Variants in GRIK1 observed in about 807,000 individuals in gnomAD.
GRIK1 encodes glutamate receptor ionotropic, kainate 1.
A neutral mutation model predicts 105.7 loss-of-function variants in GRIK1; 69 were observed. That is an observed-to-expected ratio of 0.65 (90% CI 0.54 to 0.80). The LOEUF (loss-of-function observed/expected upper bound fraction) is 0.80. GRIK1 is among the 30% of genes least tolerant of loss of function. GRIK1 has a pLI of 0.00. For synonymous variants in GRIK1, 438 were observed against 431.3 expected, an observed-to-expected ratio of 1.02 and a Z score of -0.19; for missense variants, 1,109 against 1,167.3, an observed-to-expected ratio of 0.95 and a Z score of 0.73.
chr21:29,756,539 T>C lies in GRIK1; in HGVS notation c.119-62476A>G, dbSNP rs368144872. Among the ~76,000 whole-genome samples, 439 of 152,144 alleles carry C rather than the reference T, an allele frequency of 2.9e-3. 3 individuals carry two copies. The highest frequency in any genetic ancestry group is 0.01 in the African/African-American group (430 of 41,520). ...AGTGAGGAGCTCCAGAAAAACCCAG[T>C]AGAAATTTCTCAGGTTCACGCCTGG... is the stretch of plus-strand genomic sequence containing the variant. On this transcript the variant is annotated intron_variant, in intron 1 of 17. Coordinates refer to ENST00000327783, the MANE Select transcript of GRIK1 (RefSeq NM_001330994.2).
At chr21:29,879,627 G>A (rs2069322625) in intron 1 of GRIK1, among the ~76,000 whole-genome samples, 1 of 152,164 alleles carries the variant, frequency 6.6e-6, no homozygotes, top group East Asian at 1.9e-4. Context: ...GTTGATTCAT[G>A]ATTTCTTTGT....
chr21:29,589,263 C>T (rs2061295030), intron 10 of GRIK1, among the ~76,000 whole-genome samples: 3 of 151,998 alleles, frequency 2.0e-5, no homozygotes, highest in Admixed American at 6.6e-5. Flanking sequence ...CTTTTCCTTC[C>T]GCTGTGGAGG....
intron 1 of GRIK1, among the ~76,000 whole-genome samples, chr21:29,713,727 G>C (rs1487878572): frequency 6.6e-6 from 1 of 152,140 alleles, no homozygotes; most frequent in Non-Finnish European, 1.5e-5. Context: ...AATGGAGAAA[G>C]TACATTCTAG....
chr21:29,624,931 C>G (rs934986718), intron 7 of GRIK1, among the ~76,000 whole-genome samples: 1 of 152,222 alleles, frequency 6.6e-6, no homozygotes, highest in African/African-American at 2.4e-5. Flanking sequence ...GGAGAAAGAA[C>G]AGTTTGATCC....
intron 15 of GRIK1, among the ~76,000 whole-genome samples, chr21:29,556,475 TAGC>T (rs1215229452): frequency 6.6e-6 from 1 of 152,174 alleles, no homozygotes; most frequent in Non-Finnish European, 1.5e-5. Flanking sequence ...TTTTTTAAGT[TAGC>T]AGTTATTTAG....
chr21:29,848,779 A>ATATATATATATTTTTTTTT, intron 1 of GRIK1, among the ~76,000 whole-genome samples: 5 of 77,884 alleles, frequency 6.4e-5, no homozygotes, highest in African/African-American at 2.9e-4. Context: ...ATATATATAT[A>ATATATATATATTTTTTTTT]TTTTTTTTTT....
At chr21:29,552,414 A>G in intron 16 of GRIK1, among the ~76,000 whole-genome samples, 1 of 152,102 alleles carries the variant, frequency 6.6e-6, no homozygotes, top group East Asian at 1.9e-4. Flanking sequence ...TAGCATGGAA[A>G]TTATTTACAG....
chr21:29,667,972 C>T (rs762447647), intron 4 of GRIK1, among the ~76,000 whole-genome samples: 1 of 152,094 alleles, frequency 6.6e-6, no homozygotes, highest in East Asian at 1.9e-4. Flanking sequence ...GTAACAGGCA[C>T]GGAGGAGCAA....
chr21:29,592,219 A>G (rs1279828972), intron 9 of GRIK1, among the ~76,000 whole-genome samples: 2 of 152,174 alleles, frequency 1.3e-5, no homozygotes, highest in African/African-American at 4.8e-5. Flanking sequence ...CACAGCAGCT[A>G]GCGTCTTCTG....
chr21:29,895,753 C>T (rs537528856), intron 1 of GRIK1, among the ~76,000 whole-genome samples: 16 of 152,216 alleles, frequency 1.1e-4, no homozygotes, highest in African/African-American at 3.9e-4. Context: ...TGGAATCAGA[C>T]GTATAAGATT....
chr21:29,633,768 A>C (rs2062337165), intron 7 of GRIK1, among the ~76,000 whole-genome samples: 1 of 152,140 alleles, frequency 6.6e-6, no homozygotes, highest in Non-Finnish European at 1.5e-5. Context: ...GGCTGCTGGG[A>C]TTTATGGCTT....
At chr21:29,602,057 A>G (rs1267380548) in intron 7 of GRIK1, among the ~76,000 whole-genome samples, 2 of 152,242 alleles carry the variant, frequency 1.3e-5, no homozygotes, top group African/African-American at 2.4e-5. Flanking sequence ...CAAGAAACCA[A>G]ATTTAGTCTT....
intron 1 of GRIK1, among the ~76,000 whole-genome samples, chr21:29,695,784 T>G (rs2063690598): frequency 6.6e-6 from 1 of 152,208 alleles, no homozygotes; most frequent in Non-Finnish European, 1.5e-5. Context: ...AGGCTGCTAT[T>G]TTTTATCTAC....
At chr21:29,750,764 T>G (rs562306055) in intron 1 of GRIK1, among the ~76,000 whole-genome samples, 1 of 152,122 alleles carries the variant, frequency 6.6e-6, no homozygotes, top group Non-Finnish European at 1.5e-5. Flanking sequence ...TACTGATATA[T>G]CAAATAAGAG....
intron 1 of GRIK1, among the ~76,000 whole-genome samples, chr21:29,833,153 C>T (rs1344773395): frequency 6.6e-6 from 1 of 152,148 alleles, no homozygotes. Flanking sequence ...TGATAAGTTC[C>T]TCATCTCCAT....
intron 12 of GRIK1, among the ~76,000 whole-genome samples, chr21:29,585,691 G>C (rs1226304273): frequency 6.6e-6 from 1 of 152,156 alleles, no homozygotes; most frequent in African/African-American, 2.4e-5. Context: ...TATGCAACAA[G>C]TAAACACAAG....
chr21:29,874,414 T>A (rs2069122561), intron 1 of GRIK1, among the ~76,000 whole-genome samples: 1 of 152,200 alleles, frequency 6.6e-6, no homozygotes, highest in Non-Finnish European at 1.5e-5. Flanking sequence ...CGAGGCCAGA[T>A]GCAGACCTTC....
intron 12 of GRIK1, among the ~76,000 whole-genome samples, chr21:29,584,586 A>T (rs534907015): frequency 9.3e-4 from 141 of 152,354 alleles, no homozygotes; most frequent in African/African-American, 3.0e-3. Flanking sequence ...AATTTAATTC[A>T]GTTCAACAAA....
intron 1 of GRIK1, among the ~76,000 whole-genome samples, chr21:29,811,038 C>G (rs2066996679): frequency 6.6e-6 from 1 of 152,152 alleles, no homozygotes; most frequent in South Asian, 2.1e-4. Context: ...TTATTTAGCT[C>G]TGATGAATGC....
Sources: gnomAD v4.1 joint callset for allele counts (sites outside exome capture counted in the v4.1 genomes callset) on GRCh38, gnomAD v4.1.1 for gene constraint, MANE v1.5 for transcripts, NCBI Gene and HGNC (gene_info 2026-07-23, HGNC 2026-07-21) for gene names.